Variants in MSR1 observed in about 807,000 individuals in gnomAD.
MSR1 encodes macrophage scavenger receptor types I and II.
Under a neutral mutation model 47.2 loss-of-function variants are expected in MSR1, and 53 were observed. The ratio of observed to expected loss-of-function variants is 1.12; its 90% CI spans 0.90 to 1.41. MSR1 has a LOEUF of 1.41. Ranked by LOEUF, MSR1 falls within the 40% of genes most tolerant of loss-of-function variation. The pLI, the probability that MSR1 is intolerant of heterozygous loss-of-function variation, is 0.00. For missense variants in MSR1, 786 were observed against 546.9 expected, an observed-to-expected ratio of 1.44 and a Z score of -4.36; for synonymous variants, 239 against 185.6, an observed-to-expected ratio of 1.29 and a Z score of -2.34.
chr8:16,120,407 CT>C lies in MSR1; in HGVS notation c.1222+10del, dbSNP rs760386311. The stretch of plus-strand genomic sequence containing the variant: ...ACAACAACAAACCTCACAAGATTTT[CT>C]TTAAATTACCTTGTCCAAAGTGAGC... On this transcript the variant is annotated intron_variant, in intron 9 of 9. Transcript: ENST00000262101. The C allele has an allele frequency of 1.2e-6, 2 of 1,613,234 alleles. No homozygotes were observed. Among genetic ancestry groups the C allele is most frequent in the Non-Finnish European group, 1.7e-6 (2 of 1,179,468 alleles).
intron 1 of MSR1, among the ~76,000 whole-genome samples, chr8:16,179,378 A>T (rs1275929443): frequency 6.6e-6 from 1 of 152,152 alleles, no homozygotes; most frequent in Non-Finnish European, 1.5e-5. Flanking sequence ...TCCATTAGAG[A>T]ACATAGTCCT....
At chr8:16,182,293 C>G (rs192962805) in intron 1 of MSR1, among the ~76,000 whole-genome samples, 6 of 152,262 alleles carry the variant, frequency 3.9e-5, no homozygotes, top group Admixed American at 1.3e-4. Flanking sequence ...GGAAGTTGCT[C>G]TGGGTGAGTC....
chr8:16,156,658 A>G (rs1193697302), intron 5 of MSR1, among the ~76,000 whole-genome samples: 1 of 151,886 alleles, frequency 6.6e-6, no homozygotes, highest in East Asian at 1.9e-4. Flanking sequence ...TAGTTGTGTT[A>G]TTTTAACTAA....
At chr8:16,180,276 T>C (rs552249099) in intron 1 of MSR1, among the ~76,000 whole-genome samples, 33 of 151,868 alleles carry the variant, frequency 2.2e-4, no homozygotes, top group African/African-American at 8.0e-4. Flanking sequence ...CTATTTTATG[T>C]GCATACTAAG....
intron 7 of MSR1, among the ~76,000 whole-genome samples, chr8:16,149,621 C>T (rs1274744861): frequency 6.6e-6 from 1 of 152,084 alleles, no homozygotes; most frequent in Admixed American, 6.6e-5. Flanking sequence ...GCAATTTAAG[C>T]TTAGGCTACT....
chr8:16,166,352 G>A (rs1467303485), intron 4 of MSR1, among the ~76,000 whole-genome samples: 2 of 150,374 alleles, frequency 1.3e-5, no homozygotes, highest in South Asian at 2.1e-4. Context: ...TTGTAGAGAT[G>A]GGGTTTCACT....
chr8:16,133,686 G>C (rs1034324393), intron 8 of MSR1, among the ~76,000 whole-genome samples: 1 of 152,108 alleles, frequency 6.6e-6, no homozygotes, highest in Admixed American at 6.5e-5. Flanking sequence ...CCTCTTGGTA[G>C]CCATTGCTTT....
chr8:16,178,751 T>C (rs33920564), intron 1 of MSR1, among the ~76,000 whole-genome samples: 9,428 of 152,182 alleles, frequency 0.062, 628 homozygotes, highest in East Asian at 0.33. Context: ...TTTCTCCACA[T>C]CCTCTCCAGC....
At chr8:16,151,788 T>G (rs758509843) in intron 6 of MSR1, among the ~76,000 whole-genome samples, 4 of 152,102 alleles carry the variant, frequency 2.6e-5, no homozygotes, top group Non-Finnish European at 4.4e-5. Flanking sequence ...ATGTCCTAGG[T>G]GTCCTGCTCC....
rs745437942 is a variant in MSR1 at position 16,168,669 on chromosome 8, T to C, written c.419A>G (p.His140Arg). 6 of 1,614,040 alleles carry C rather than the reference T, an allele frequency of 3.7e-6. No individual in the cohort carries two copies. The highest frequency in any genetic ancestry group is 1.1e-5 in the South Asian group (1 of 91,088). Residue 140 changes from histidine (H) to arginine (R), a missense_variant, in exon 4 of 10, where the codon CAT becomes CGT. His to Arg is a conservative substitution (Grantham distance 29). Transcript: ENST00000262101. ...DMEANLMDTE[H>R]FQNFSMTTDQ... ...AGTTGTCATGCTGAAATTTTGGAAA[T>C]GCTCTGTGTCCATGAGGTTGGCTTC...
intron 8 of MSR1, chr8:16,140,662 G>C: frequency 1.6e-6 from 2 of 1,247,490 alleles, no homozygotes; most frequent in Non-Finnish European, 1.0e-6. Context: ...ATTAAATTGG[G>C]TTCAAGACTC....
intron 8 of MSR1, among the ~76,000 whole-genome samples, chr8:16,129,233 C>T (rs1184092470): frequency 6.6e-6 from 1 of 151,968 alleles, no homozygotes; most frequent in African/African-American, 2.4e-5. Context: ...CTAAATAATT[C>T]ACATTAGAAT....
At chr8:16,145,734 G>T (rs1181285229) in intron 7 of MSR1, among the ~76,000 whole-genome samples, 1 of 151,990 alleles carries the variant, frequency 6.6e-6, no homozygotes, top group Admixed American at 6.6e-5. Flanking sequence ...CAAATGTTTT[G>T]TATCATTTTA....
At position 16,120,605 on chromosome 8, in the gene MSR1, A is replaced by G. The variant is rs1399234778; in HGVS notation, c.1035T>C (p.Thr345=). Residue 345 remains threonine, a splice_region_variant and synonymous_variant, in exon 9 of 10, where the codon ACT becomes ACC. Transcript: ENST00000262101. The part of the protein sequence containing the change: ...KGEKGSGNTL[T]PFTKVRLVGG... The stretch of plus-strand genomic sequence containing the variant: ...CGACCAGTCGAACTTTCGTAAATGG[A>G]GCTGTAAAGTTAAAAAAAAAAAAAA... 3.9e-6 allele frequency: 6 copies of G among 1,536,502 alleles called. No individual in the cohort carries two copies. Among genetic ancestry groups the G allele is most frequent in the Non-Finnish European group, 5.2e-6 (6 of 1,151,570 alleles).
At chr8:16,118,870 G>T (rs418997) in intron 9 of MSR1, among the ~76,000 whole-genome samples, 4 of 152,108 alleles carry the variant, frequency 2.6e-5, no homozygotes, top group Non-Finnish European at 5.9e-5. Context: ...AAATCTAGCT[G>T]TTGACCTTGA....
Position 16,190,605 on chromosome 8 carries a change from A to T in MSR1, c.-5+1993T>A, listed in dbSNP as rs1041699022. ...CAGGTTTCTTTTACCTAAGCATGTG[A>T]ATCAGCTCTTTATGTTTAATACATA... On this transcript the variant is annotated intron_variant, in intron 1 of 9. Coordinates refer to ENST00000262101, the MANE Select transcript of MSR1 (RefSeq NM_138715.3). Among the ~76,000 whole-genome samples, 3 of 152,268 alleles carry T rather than the reference A, an allele frequency of 2.0e-5. No homozygotes were observed. The East Asian group carries it at 5.8e-4, about 29-fold the overall frequency.
chr8:16,148,331 T>A (rs1204183648), intron 7 of MSR1, among the ~76,000 whole-genome samples: 1 of 152,126 alleles, frequency 6.6e-6, no homozygotes, highest in Non-Finnish European at 1.5e-5. Flanking sequence ...ACTGGGTGAA[T>A]GAATGAAATA....
chr8:16,123,960 C>T (rs966413893), intron 8 of MSR1, among the ~76,000 whole-genome samples: 7 of 152,110 alleles, frequency 4.6e-5, no homozygotes, highest in African/African-American at 1.7e-4. Context: ...CTCCTGTTCA[C>T]TTGATAGAAC....
At chr8:16,168,421 G>T (rs746294145) in intron 4 of MSR1, 37 bp downstream of exon 4, 3 of 1,610,668 alleles carry the variant, frequency 1.9e-6, no homozygotes, top group Admixed American at 1.7e-5. Flanking sequence ...GATGGATTCA[G>T]TTCCAGCAAG....
Sources: allele counts gnomAD v4.1 joint callset (sites outside exome capture counted in the v4.1 genomes callset), GRCh38; gene constraint gnomAD v4.1.1; transcripts MANE v1.5; gene names NCBI Gene and HGNC (gene_info 2026-07-23, HGNC 2026-07-21).